Variants in MON2 observed in about 807,000 individuals in gnomAD.
The protein encoded by MON2 is protein MON2 homolog.
Under a neutral mutation model 208.6 loss-of-function variants are expected in MON2, and 84 were observed. The observed-to-expected ratio is 0.40, with a 90% confidence interval of 0.34 to 0.48. The LOEUF (loss-of-function observed/expected upper bound fraction) is 0.48. Among genes scored for constraint, MON2 ranks in the 20% least tolerant of loss-of-function variants. The probability of loss-of-function intolerance (pLI) is 0.59; values close to 1 mark genes in which losing one functional copy is unlikely to be tolerated. For synonymous variants in MON2, 660 were observed against 694.0 expected, an observed-to-expected ratio of 0.95 and a Z score of 0.77; for missense variants, 1,611 against 2,015.4, an observed-to-expected ratio of 0.80 and a Z score of 3.84.
In MON2 at chr12:62,489,244, T is replaced by C. The variant is rs532961597; in HGVS notation, c.176-4671T>C. Among the ~76,000 whole-genome samples, 202 of 152,240 alleles carry C rather than the reference T, an allele frequency of 1.3e-3. 1 individual carries two copies. The highest frequency in any genetic ancestry group is 4.6e-3 in the African/African-American group (193 of 41,570). On this transcript the variant is annotated intron_variant, in intron 2 of 34. Coordinates refer to ENST00000393630, the MANE Select transcript of MON2 (RefSeq NM_015026.3). ...CCTTTACCAACAATAAGTGAGCATA[T>C]TTTTATAACCTCCTTGCCAGGATTA...
At chr12:62,562,016 G>A (rs901336821) in intron 26 of MON2, among the ~76,000 whole-genome samples, 1 of 152,094 alleles carries the variant, frequency 6.6e-6, no homozygotes, top group East Asian at 1.9e-4. Flanking sequence ...TAGTTGTGTT[G>A]TGCAGGAAAA....
In MON2 at chr12:62,526,119, T is replaced by G. The variant is rs779964968; in HGVS notation, c.1400+17T>G. On this transcript the variant is annotated intron_variant, in intron 11 of 34. Coordinates refer to ENST00000393630, the MANE Select transcript of MON2 (RefSeq NM_015026.3). Reference sequence around the variant, plus strand: ...AGCCACCTAGTAAGTAGTAGCAGCATTATTTTATAAGGAATGATGTTGTTG... The same window carrying G: ...AGCCACCTAGTAAGTAGTAGCAGCAGTATTTTATAAGGAATGATGTTGTTG... 6.2e-7 allele frequency: 1 copy of G among 1,608,096 alleles called. No individual in the cohort carries two copies. Among genetic ancestry groups the G allele is most frequent in the East Asian group, 2.2e-5 (1 of 44,794 alleles).
At chr12:62,530,227 ATTT>A (rs144345618) in intron 11 of MON2, among the ~76,000 whole-genome samples, 6 of 126,210 alleles carry the variant, frequency 4.8e-5, no homozygotes, top group African/African-American at 1.6e-4. Flanking sequence ...CATCAGTATA[ATTT>A]TTTTTTTTTT....
At chr12:62,565,094 T>C in intron 26 of MON2, 143 bp from the exon 27 acceptor site, 1 of 733,734 alleles carries the variant, frequency 1.4e-6, no homozygotes, top group Non-Finnish European at 2.2e-6. Flanking sequence ...AAATAGTTTG[T>C]GTCCTTTAGG....
At chr12:62,528,279 C>T (rs184162339) in intron 11 of MON2, among the ~76,000 whole-genome samples, 18 of 152,182 alleles carry the variant, frequency 1.2e-4, no homozygotes, top group Non-Finnish European at 2.1e-4. Context: ...ATGTATACAT[C>T]TTGATTGTGC....
At chr12:62,552,751 C>G (rs2073806619) in intron 23 of MON2, 130 bp from the exon 24 acceptor site, 2 of 657,804 alleles carry the variant, frequency 3.0e-6, no homozygotes, top group Non-Finnish European at 5.2e-6. Flanking sequence ...ATCTATTCTA[C>G]TAGGAAAGAG....
chr12:62,526,266 TTTTA>T (rs1410591449), intron 11 of MON2, among the ~76,000 whole-genome samples, 164 bp downstream of exon 11: 1 of 152,168 alleles, frequency 6.6e-6, no homozygotes, highest in East Asian at 1.9e-4. Context: ...TAGGACTGGA[TTTTA>T]TTTGTTTTCT....
intron 28 of MON2, 87 bp from the exon 29 acceptor site, chr12:62,566,235 A>G (rs946023162): frequency 2.0e-6 from 3 of 1,503,494 alleles, no homozygotes; most frequent in East Asian, 4.5e-5. Context: ...CCTGAACTTT[A>G]AGACAAAGAT....
intron 25 of MON2, among the ~76,000 whole-genome samples, chr12:62,558,584 T>C (rs1403220638): frequency 6.6e-6 from 1 of 152,184 alleles, no homozygotes; most frequent in African/African-American, 2.4e-5. Context: ...TGGCAACAGG[T>C]AGAAGTGTTT....
At chr12:62,567,704 A>C (rs2074435896) in intron 29 of MON2, among the ~76,000 whole-genome samples, 1 of 152,160 alleles carries the variant, frequency 6.6e-6, no homozygotes, top group Admixed American at 6.5e-5. Flanking sequence ...ATCTTTCTAC[A>C]AGGTGCTAGC....
chr12:62,474,803 A>T (rs138948847), intron 1 of MON2, among the ~76,000 whole-genome samples: 124 of 152,294 alleles, frequency 8.1e-4, no homozygotes, highest in African/African-American at 2.9e-3. Flanking sequence ...TGTTAATGGT[A>T]TCTAGCACTG....
chr12:62,501,774 AT>A (rs973137028), intron 7 of MON2, 76 bp downstream of exon 7: 33 of 1,547,010 alleles, frequency 2.1e-5, no homozygotes, highest in Admixed American at 3.5e-5. Flanking sequence ...AGCAACGTGT[AT>A]TTTTTTTCCA....
intron 3 of MON2, among the ~76,000 whole-genome samples, chr12:62,494,808 A>T (rs573211124): frequency 6.9e-4 from 105 of 152,332 alleles, no homozygotes; most frequent in African/African-American, 2.3e-3. Flanking sequence ...TTCAAATAGG[A>T]TATTACAATT....
intron 5 of MON2, 60 bp from the exon 6 acceptor site, chr12:62,500,723 A>C: frequency 1.3e-6 from 1 of 753,490 alleles, no homozygotes; most frequent in Non-Finnish European, 2.2e-6. Context: ...TTTTAAACAG[A>C]ATATATAATT....
chr12:62,526,236 C>G lies in MON2; in HGVS notation c.1400+134C>G. The G allele has an allele frequency of 3.6e-6, 3 of 833,964 alleles. No homozygotes were observed. In the Admixed American group the frequency reaches 9.1e-5, roughly 25 times the overall value. 51.7% of individuals were successfully genotyped at this position (833,964 alleles called of 1,614,324 possible). ...TATTTTAGAGCTCATTTTCTTTCGT[C>G]ATATTTTGAAAATTGTATCTAGGAC... On this transcript the variant is annotated intron_variant, in intron 11 of 34. Coordinates refer to ENST00000393630, the MANE Select transcript of MON2 (RefSeq NM_015026.3).
chr12:62,550,913 T>C (rs1007221432), intron 23 of MON2, among the ~76,000 whole-genome samples: 15 of 55,334 alleles, frequency 2.7e-4, no homozygotes, highest in Admixed American at 1.4e-3. Flanking sequence ...TTCTTTCTTT[T>C]TTTTTTTTTT....
intron 21 of MON2, chr12:62,545,576 T>G (rs2136276971): frequency 6.6e-6 from 1 of 152,274 alleles, no homozygotes; most frequent in African/African-American, 2.4e-5. Context: ...TTTTAATTTT[T>G]TAAATAAAAA....
intron 19 of MON2, among the ~76,000 whole-genome samples, 178 bp from the exon 20 acceptor site, chr12:62,542,919 T>G (rs1242783734): frequency 6.6e-6 from 1 of 151,872 alleles, no homozygotes; most frequent in Non-Finnish European, 1.5e-5. Flanking sequence ...TTTTGGATAC[T>G]TAAGGTTGAC....
chr12:62,586,606 A>T (rs958584447), intron 33 of MON2, among the ~76,000 whole-genome samples: 1 of 152,074 alleles, frequency 6.6e-6, no homozygotes, highest in African/African-American at 2.4e-5. Flanking sequence ...GATCCAGTGT[A>T]TTTTGAATTT....
Sources: gnomAD v4.1 joint callset for allele counts (sites outside exome capture counted in the v4.1 genomes callset) on GRCh38, gnomAD v4.1.1 for gene constraint, MANE v1.5 for transcripts, NCBI Gene and HGNC (gene_info 2026-07-23, HGNC 2026-07-21) for gene names.